TNRC6B: variants seen among roughly 807,000 people sequenced by gnomAD.
TNRC6B encodes trinucleotide repeat-containing gene 6B protein.
Under a neutral mutation model 203.6 loss-of-function variants are expected in TNRC6B, and 52 were observed. The ratio of observed to expected loss-of-function variants is 0.26; its 90% CI spans 0.20 to 0.32. TNRC6B has a LOEUF of 0.32. Among genes scored for constraint, TNRC6B ranks in the 10% least tolerant of loss-of-function variants. The pLI is 1.00. For synonymous variants in TNRC6B, 838 were observed against 845.7 expected, an observed-to-expected ratio of 0.99 and a Z score of 0.16; for missense variants, 1,923 against 2,286.2, an observed-to-expected ratio of 0.84 and a Z score of 3.24.
intron 15 of TNRC6B, 193 bp downstream of exon 15, chr22:40,301,526 T>A: frequency 1.6e-6 from 1 of 616,868 alleles, no homozygotes; most frequent in Non-Finnish European, 2.8e-6. Flanking sequence ...ACCACATGGT[T>A]ACTAAATAGC....
At chr22:40,164,383 G>T (rs2068898713) in intron 4 of TNRC6B, among the ~76,000 whole-genome samples, 1 of 76,590 alleles carries the variant, frequency 1.3e-5, no homozygotes, top group Non-Finnish European at 2.3e-5. Flanking sequence ...GTGAGACTCT[G>T]CCTTTAAAAA....
chr22:40,083,932 G>A (rs1330755267), intron 1 of TNRC6B, among the ~76,000 whole-genome samples: 1 of 152,150 alleles, frequency 6.6e-6, no homozygotes, highest in Non-Finnish European at 1.5e-5. Flanking sequence ...TTCTTGCAGA[G>A]GGGAGAGTAG....
chr22:40,179,991 T>G (rs1409599616), intron 1 of TNRC6B, among the ~76,000 whole-genome samples: 4 of 152,254 alleles, frequency 2.6e-5, no homozygotes, highest in Admixed American at 2.0e-4. Flanking sequence ...AGTGACTGTT[T>G]AGATTCACTG....
chr22:40,286,958 G>C (rs1289870232), intron 12 of TNRC6B, among the ~76,000 whole-genome samples: 1 of 152,136 alleles, frequency 6.6e-6, no homozygotes, highest in Non-Finnish European at 1.5e-5. Context: ...GCGCTTATTA[G>C]ATCCAACCAG....
chr22:40,079,834 C>T (rs866302446), intron 1 of TNRC6B, among the ~76,000 whole-genome samples: 26 of 151,904 alleles, frequency 1.7e-4, no homozygotes, highest in Non-Finnish European at 1.9e-4. Context: ...CTCGCTCTGT[C>T]GCCTAGGCTG....
intron 1 of TNRC6B, among the ~76,000 whole-genome samples, chr22:40,212,772 C>T (rs893238645): frequency 2.6e-5 from 4 of 152,120 alleles, no homozygotes; most frequent in Non-Finnish European, 4.4e-5. Context: ...CCTCAGCCTT[C>T]CGAGTACCTG....
intron 1 of TNRC6B, among the ~76,000 whole-genome samples, chr22:40,203,002 A>G (rs1215268311): frequency 3.3e-5 from 5 of 152,128 alleles, no homozygotes; most frequent in African/African-American, 2.4e-5. Flanking sequence ...GTCTTAGACT[A>G]TGATAAGGCC....
chr22:40,127,986 G>A (rs1268616279), intron 3 of TNRC6B, among the ~76,000 whole-genome samples: 1 of 152,206 alleles, frequency 6.6e-6, no homozygotes, highest in East Asian at 1.9e-4. Context: ...ATATTACTGT[G>A]CCATAAACTC....
At position 40,327,627 on chromosome 22, in the gene TNRC6B, T is replaced by C. The variant is rs1431055735; in HGVS notation, c.*4386T>C. 6.6e-6 allele frequency: 1 copy of C among 152,166 alleles called. No homozygotes were observed. Among genetic ancestry groups the C allele is most frequent in the Non-Finnish European group, 1.5e-5 (1 of 68,066 alleles). The allele number at this position is 152,166 out of a possible 1,614,324, so 9.4% of individuals were successfully genotyped here. A position where few individuals can be genotyped will look rare whatever the true frequency, so the allele number is the denominator to read the frequency against. ...GGTTGGCAGTGACCTAAGAACAGGA[T>C]ATGGTGAGGATGTCATGGAAGAGAA... On this transcript the variant is annotated 3_prime_UTR_variant, in exon 23 of 23. Coordinates refer to ENST00000454349, the MANE Select transcript of TNRC6B (RefSeq NM_001162501.2).
At chr22:40,141,204 C>CTTTTTTTT (rs757105010) in intron 3 of TNRC6B, among the ~76,000 whole-genome samples, 7 of 75,702 alleles carry the variant, frequency 9.2e-5, no homozygotes, top group East Asian at 4.0e-4. Flanking sequence ...AAATTCTGTC[C>CTTTTTTTT]TTTTTTTTTT....
At chr22:40,270,039 C>T (rs1312842565) in intron 5 of TNRC6B, 83 bp from the exon 6 acceptor site, 2 of 1,383,088 alleles carry the variant, frequency 1.4e-6, no homozygotes, top group Admixed American at 2.1e-5. Flanking sequence ...ATAGGCATGC[C>T]TGTTCCTTCC....
chr22:40,315,389 T>G lies in TNRC6B; in HGVS notation c.4785T>G (p.Thr1595=). The G allele has an allele frequency of 6.2e-7, 1 of 1,613,956 alleles. No homozygotes were observed. Among genetic ancestry groups the G allele is most frequent in the Non-Finnish European group, 8.5e-7 (1 of 1,179,894 alleles). ...AAAACCATATTTCCTCCAGGAACAC[T>G]ACACCGCTGCCCCGCCCACCTCCTG... ...MWKNHISSRN[T]TPLPRPPPGL... is the part of the protein sequence containing the mutation. The change falls in exon 20 of 23, where the codon ACT becomes ACG. Residue 1595 remains threonine (T), a synonymous_variant. Transcript: ENST00000454349.
intron 3 of TNRC6B, among the ~76,000 whole-genome samples, chr22:40,133,597 C>A (rs947624914): frequency 6.6e-6 from 1 of 152,054 alleles, no homozygotes; most frequent in Non-Finnish European, 1.5e-5. Context: ...AGACGGGTTT[C>A]ATGGTTTTTA....
chr22:40,185,774 G>T (rs535156007), intron 1 of TNRC6B, among the ~76,000 whole-genome samples: 10 of 151,922 alleles, frequency 6.6e-5, no homozygotes, highest in African/African-American at 2.2e-4. Flanking sequence ...AGGACTTGGT[G>T]GGGGGGCACT....
At chr22:40,065,336 G>A (rs1253324284) in intron 1 of TNRC6B, among the ~76,000 whole-genome samples, 1 of 151,930 alleles carries the variant, frequency 6.6e-6, no homozygotes, top group Non-Finnish European at 1.5e-5. Flanking sequence ...TGTGGAGGTA[G>A]GGTTTTGCTA....
At chr22:40,157,944 C>T (rs1455526252) in intron 4 of TNRC6B, among the ~76,000 whole-genome samples, 3 of 152,158 alleles carry the variant, frequency 2.0e-5, no homozygotes. Context: ...GAACCCAGAT[C>T]TTACCGACTC....
At chr22:40,280,633 G>T (rs530694625) in intron 10 of TNRC6B, among the ~76,000 whole-genome samples, 20 of 152,338 alleles carry the variant, frequency 1.3e-4, no homozygotes, top group Non-Finnish European at 2.1e-4. Flanking sequence ...TATTGGTTTT[G>T]ATGTTTAACA....
At chr22:40,293,110 T>C (rs1285926711) in intron 12 of TNRC6B, among the ~76,000 whole-genome samples, 2 of 151,934 alleles carry the variant, frequency 1.3e-5, no homozygotes, top group African/African-American at 4.8e-5. Context: ...CCTATTCTAC[T>C]ACCAGGTCTA....
rs1373101892 is a variant in TNRC6B, at chr22:40,334,296, CAG to C, written c.*11059_*11060del. ...GGTGCATGCACCGTGAATGTGCTCACAGAGACACGTGCACAAGATTCTGCACC... is the reference window on the plus strand; with the variant it reads ...GGTGCATGCACCGTGAATGTGCTCACAGACACGTGCACAAGATTCTGCACC... On this transcript the variant is annotated 3_prime_UTR_variant, in exon 23 of 23. Transcript: ENST00000454349. 6.6e-6 allele frequency: 1 copy of C among 152,630 alleles called. No individual in the cohort carries two copies. Among genetic ancestry groups the C allele is most frequent in the African/African-American group, 2.4e-5 (1 of 41,434 alleles). 9.5% of individuals were successfully genotyped at this position (152,630 alleles called of 1,614,324 possible).
Sources: allele counts gnomAD v4.1 joint callset (sites outside exome capture counted in the v4.1 genomes callset), GRCh38; gene constraint gnomAD v4.1.1; transcripts MANE v1.5; gene names NCBI Gene and HGNC (gene_info 2026-07-23, HGNC 2026-07-21).